Variants in ARHGEF4 observed in about 807,000 individuals in gnomAD.
ARHGEF4 encodes the protein APC-stimulated guanine nucleotide exchange factor 1.
ARHGEF4 carries 119 observed loss-of-function variants against 162.0 expected under a neutral mutation model. The observed-to-expected ratio is 0.73, with a 90% confidence interval of 0.63 to 0.86. The LOEUF (loss-of-function observed/expected upper bound fraction) is 0.86. ARHGEF4 is among the 40% of genes least tolerant of loss of function. The pLI, the probability that ARHGEF4 is intolerant of heterozygous loss-of-function variation, is 0.00. For missense variants in ARHGEF4, 2,488 were observed against 2,456.0 expected (o/e 1.01, Z -0.28); for synonymous variants, 1,014 against 979.9 (o/e 1.03, Z -0.65).
Position 130,895,475 on chromosome 2 carries a change from C to T in ARHGEF4, c.40-18511C>T, listed in dbSNP as rs1680099618. Among the ~76,000 whole-genome samples the T allele has an allele frequency of 1.3e-5, 2 of 152,180 alleles. 1 individual carries two copies. The highest frequency in any genetic ancestry group is 1.3e-4 in the Admixed American group (2 of 15,280). ...TTGCTGGGTCACATGGTAGTATGTT[C>T]CCACCAGCTGAGTGCAGGGCTCCAG... is the stretch of plus-strand genomic sequence containing the variant. On this transcript the variant is annotated intron_variant, in intron 1 of 13. Coordinates refer to ENST00000409359, the MANE Select transcript of ARHGEF4 (RefSeq NM_001367493.1).
At chr2:130,948,622 A>G (rs1449125344) in intron 4 of ARHGEF4, among the ~76,000 whole-genome samples, 1 of 152,240 alleles carries the variant, frequency 6.6e-6, no homozygotes, top group Non-Finnish European at 1.5e-5. Flanking sequence ...AGGAAATTTT[A>G]AAACCTTCAT....
chr2:130,881,900 A>C (rs1679214751), intron 1 of ARHGEF4, among the ~76,000 whole-genome samples: 1 of 152,068 alleles, frequency 6.6e-6, no homozygotes, highest in Non-Finnish European at 1.5e-5. Flanking sequence ...GCCCACGCCA[A>C]GCTGGCTGGC....
At chr2:130,880,116 G>A (rs272142) in intron 1 of ARHGEF4, among the ~76,000 whole-genome samples, 41,636 of 152,102 alleles carry the variant, frequency 0.27, 7,457 homozygotes, top group African/African-American at 0.5. Context: ...GCAGCCTCTC[G>A]GCAGGTGGGA....
At position 130,915,380 on chromosome 2, in the gene ARHGEF4, C is replaced by T. The variant is rs887634363; in HGVS notation, c.1434C>T (p.Leu478=). 7 of 1,550,522 alleles carry T rather than the reference C, an allele frequency of 4.5e-6. No homozygotes were observed. The highest frequency in any genetic ancestry group is 6.1e-6 in the Non-Finnish European group (7 of 1,147,024). ...CCCAGGAACCCCAAGGCACCCAACT[C>T]GCACCAAGAGCTGCTGATGAGAGAG... ...SRTQEPQGTQ[L]APRAADERET... Residue 478 remains leucine, a synonymous_variant, in exon 2 of 14, where the codon CTC becomes CTT. Coordinates refer to ENST00000409359, the MANE Select transcript of ARHGEF4 (RefSeq NM_001367493.1).
At chr2:130,875,971 T>C (rs976965586) in intron 1 of ARHGEF4, among the ~76,000 whole-genome samples, 1 of 152,180 alleles carries the variant, frequency 6.6e-6, no homozygotes, top group East Asian at 1.9e-4. Context: ...TCTCTTTCTC[T>C]TTCTGTAACT....
At chr2:130,840,876 A>T (rs1479253486) in intron 1 of ARHGEF4, among the ~76,000 whole-genome samples, 1 of 152,106 alleles carries the variant, frequency 6.6e-6, no homozygotes, top group Non-Finnish European at 1.5e-5. Flanking sequence ...CACGGCATAT[A>T]CCTGTGCTGT....
At chr2:130,888,899 G>A (rs929655103) in intron 1 of ARHGEF4, among the ~76,000 whole-genome samples, 2 of 151,804 alleles carry the variant, frequency 1.3e-5, no homozygotes, top group African/African-American at 4.9e-5. Flanking sequence ...TCAGGAGCTC[G>A]AGAGCAGCCT....
chr2:130,875,732 C>A (rs1678787436), intron 1 of ARHGEF4, among the ~76,000 whole-genome samples: 1 of 152,222 alleles, frequency 6.6e-6, no homozygotes, highest in South Asian at 2.1e-4. Context: ...GAGGGACACA[C>A]TTAACCCATA....
chr2:130,959,569 A>C (rs548641845), intron 4 of ARHGEF4, among the ~76,000 whole-genome samples: 154 of 152,350 alleles, frequency 1.0e-3, no homozygotes, highest in African/African-American at 3.2e-3. Context: ...AAAGTACCTC[A>C]CATCTGGTAT....
At chr2:130,919,748 C>T (rs1259306810) in intron 2 of ARHGEF4, among the ~76,000 whole-genome samples, 3 of 151,902 alleles carry the variant, frequency 2.0e-5, no homozygotes, top group East Asian at 1.9e-4. Context: ...TGGTGGTGGG[C>T]GCCTGTAATC....
At chr2:130,854,316 A>G (rs1681607446) in intron 1 of ARHGEF4, among the ~76,000 whole-genome samples, 1 of 152,116 alleles carries the variant, frequency 6.6e-6, no homozygotes, top group African/African-American at 2.4e-5. Context: ...AATAACACAC[A>G]TTTATTCTTT....
At chr2:131,028,160 C>G (rs1379366986) in intron 5 of ARHGEF4, 76 bp downstream of exon 5, 1 of 1,557,150 alleles carries the variant, frequency 6.4e-7, no homozygotes, top group Non-Finnish European at 8.7e-7. Flanking sequence ...CTAATGCAGG[C>G]CAGATGCCCA....
At position 130,914,279 on chromosome 2, in the gene ARHGEF4, T is replaced by C. The variant is rs1681363331; in HGVS notation, c.333T>C (p.Thr111=). 2 of 1,526,374 alleles carry C rather than the reference T, an allele frequency of 1.3e-6. No homozygotes were observed. The highest frequency in any genetic ancestry group is 1.4e-5 in the African/African-American group (1 of 72,802). The allele number at this position is 1,526,374 out of a possible 1,614,324, so 94.6% of individuals were successfully genotyped here. A position where few individuals can be genotyped will look rare whatever the true frequency, so the allele number is the denominator to read the frequency against. ...GGGAATACCCTGATGTCTCAGCAACTGGACCCCCTCAGGAGCAGCATTTGA... is the reference window on the plus strand; with the variant it reads ...GGGAATACCCTGATGTCTCAGCAACCGGACCCCCTCAGGAGCAGCATTTGA... ...APWEYPDVSA[T]GPPQEQHLTS... The change falls in exon 2 of 14, where the codon ACT becomes ACC. Residue 111 remains threonine (T), a synonymous_variant. Coordinates refer to ENST00000409359, the MANE Select transcript of ARHGEF4 (RefSeq NM_001367493.1).
chr2:130,916,001 C>A lies in ARHGEF4; in HGVS notation c.2055C>A (p.Ala685=). 1.3e-6 allele frequency: 2 copies of A among 1,550,488 alleles called. No individual in the cohort carries two copies. Among genetic ancestry groups the A allele is most frequent in the Non-Finnish European group, 1.7e-6 (2 of 1,146,962 alleles). Residue 685 remains alanine, a synonymous_variant, in exon 2 of 14, where the codon GCC becomes GCA. Coordinates refer to ENST00000409359, the MANE Select transcript of ARHGEF4 (RefSeq NM_001367493.1). ...CESPTRGKTP[A]GNECELPAAP... is the part of the protein sequence containing the mutation. ...CTCCCACTAGGGGGAAAACACCAGCCGGTAATGAGTGTGAGTTGCCAGCAG... is the reference window on the plus strand; with the variant it reads ...CTCCCACTAGGGGGAAAACACCAGCAGGTAATGAGTGTGAGTTGCCAGCAG...
At chr2:130,989,815 C>A (rs1287726908) in intron 4 of ARHGEF4, among the ~76,000 whole-genome samples, 2 of 152,204 alleles carry the variant, frequency 1.3e-5, no homozygotes, top group African/African-American at 4.8e-5. Context: ...ATCGGATTAG[C>A]ACTGGCCTGA....
intron 1 of ARHGEF4, among the ~76,000 whole-genome samples, chr2:130,907,784 A>G (rs900895917): frequency 1.4e-4 from 21 of 151,900 alleles, no homozygotes; most frequent in East Asian, 4.0e-4. Context: ...GTGAAACCCC[A>G]TCTCTACTAA....
intron 2 of ARHGEF4, among the ~76,000 whole-genome samples, chr2:130,922,923 G>GATATATATATATATATATATAT (rs60528259): frequency 6.9e-6 from 1 of 145,570 alleles, no homozygotes; most frequent in African/African-American, 2.5e-5. Context: ...CCTCTTTAAT[G>GATATATATATATATATATATAT]ATATATATAT....
chr2:131,021,627 A>C (rs1689143034), intron 4 of ARHGEF4, among the ~76,000 whole-genome samples: 1 of 152,200 alleles, frequency 6.6e-6, no homozygotes, highest in Non-Finnish European at 1.5e-5. Flanking sequence ...AAAATTGACA[A>C]ATGGGATCTA....
In ARHGEF4 at chr2:130,985,566, G is replaced by C. The variant is rs1194565365; in HGVS notation, c.3985+38931G>C. The stretch of plus-strand genomic sequence containing the variant: ...ACTAGGGAGGGGCAAGGAGGCATCT[G>C]GGGGGGTGATGTGATGAGTTTCAGT... On this transcript the variant is annotated intron_variant, in intron 4 of 13. Coordinates refer to ENST00000409359, the MANE Select transcript of ARHGEF4 (RefSeq NM_001367493.1). 5.3e-5 allele frequency among the ~76,000 whole-genome samples: 8 copies of C among 151,972 alleles called. 1 individual carries two copies. In the South Asian group the frequency reaches 1.2e-3, roughly 24 times the overall value.
Sources: allele counts gnomAD v4.1 joint callset (sites outside exome capture counted in the v4.1 genomes callset), GRCh38; gene constraint gnomAD v4.1.1; transcripts MANE v1.5; gene names NCBI Gene and HGNC (gene_info 2026-07-23, HGNC 2026-07-21).